Variants in SCN10A observed in about 807,000 individuals in gnomAD.
SCN10A encodes sodium voltage-gated channel alpha subunit 10, also known as sodium channel protein type 10 subunit alpha.
A neutral mutation model predicts 170.7 loss-of-function variants in SCN10A; 162 were observed. That is an observed-to-expected ratio of 0.95 (90% CI 0.84 to 1.08). The LOEUF (loss-of-function observed/expected upper bound fraction) is 1.08. Among genes scored for constraint, SCN10A ranks in the 50% least tolerant of loss-of-function variants. SCN10A has a pLI of 0.00. For missense variants in SCN10A, 2,527 were observed against 2,436.9 expected (o/e 1.04, Z -0.78); for synonymous variants, 985 against 904.6 (o/e 1.09, Z -1.59).
chr3:38,792,040 C>T lies in SCN10A; in HGVS notation c.389+10G>A. The T allele has an allele frequency of 1.9e-6, 3 of 1,612,882 alleles. No homozygotes were observed. The highest frequency in any genetic ancestry group is 2.5e-6 in the Non-Finnish European group (3 of 1,179,372). ...GTAACACGTGGAAGAGGCAATCGTG[C>T]AAAGGATATGAGTGGACAGACACTT... On this transcript the variant is annotated intron_variant, in intron 3 of 27. Coordinates refer to ENST00000449082, the MANE Select transcript of SCN10A (RefSeq NM_006514.4).
At chr3:38,738,374 C>T (rs1325396021) in intron 15 of SCN10A, among the ~76,000 whole-genome samples, 1 of 152,182 alleles carries the variant, frequency 6.6e-6, no homozygotes, top group Non-Finnish European at 1.5e-5. Flanking sequence ...ATGGCTGGCT[C>T]TATGTCACTG....
intron 4 of SCN10A, among the ~76,000 whole-genome samples, chr3:38,776,116 T>A (rs1490710531): frequency 6.6e-6 from 1 of 152,074 alleles, no homozygotes; most frequent in East Asian, 1.9e-4. Context: ...GATAATAAAT[T>A]GGGTACTAGG....
intron 26 of SCN10A, among the ~76,000 whole-genome samples, chr3:38,703,823 T>C (rs1009076711): frequency 3.9e-5 from 6 of 152,202 alleles, no homozygotes; most frequent in Admixed American, 3.9e-4. Context: ...TGGCCAACTG[T>C]TTGCCTCTGT....
chr3:38,808,104 G>T (rs1170860494), intron 1 of SCN10A, among the ~76,000 whole-genome samples: 3 of 152,058 alleles, frequency 2.0e-5, no homozygotes, highest in African/African-American at 7.2e-5. Context: ...TGGCACATAA[G>T]GCCTGGCATG....
chr3:38,721,633 A>G (rs575539306), intron 20 of SCN10A, among the ~76,000 whole-genome samples: 1 of 152,322 alleles, frequency 6.6e-6, no homozygotes, highest in South Asian at 2.1e-4. Context: ...TGGGTCACTG[A>G]GGGCAGTGCA....
intron 15 of SCN10A, among the ~76,000 whole-genome samples, chr3:38,731,253 C>T (rs975673829): frequency 1.3e-5 from 2 of 152,150 alleles, no homozygotes; most frequent in Non-Finnish European, 2.9e-5. Context: ...AAATGTCTCT[C>T]AAAGACACGG....
intron 1 of SCN10A, among the ~76,000 whole-genome samples, chr3:38,803,380 G>A (rs537678909): frequency 1.2e-3 from 184 of 152,196 alleles, no homozygotes; most frequent in Non-Finnish European, 2.0e-3. Flanking sequence ...ATTCACAATA[G>A]CAAAGACTTG....
At position 38,698,145 on chromosome 3, in the gene SCN10A, C is replaced by G; in HGVS notation, c.5075G>C (p.Cys1692Ser). 1.2e-6 allele frequency: 2 copies of G among 1,614,170 alleles called. No individual in the cohort carries two copies. Among genetic ancestry groups the G allele is most frequent in the South Asian group, 1.1e-5 (1 of 91,072 alleles). ...GATGATGCCTACGGCTGGGCTCCCA[C>G]AGTCCCCTCTGGTGCCATTGCTGTT... The part of the protein sequence containing the change: ...LPNSNGTRGD[C>S]GSPAVGIIFF... The change falls in exon 28 of 28, where the codon TGT becomes TCT. Residue 1692 changes from cysteine to serine, a missense_variant. Physicochemically the swap from Cys to Ser is moderately radical, Grantham distance 112. Transcript: ENST00000449082.
At chr3:38,738,093 A>C (rs1314351967) in intron 15 of SCN10A, among the ~76,000 whole-genome samples, 1 of 151,638 alleles carries the variant, frequency 6.6e-6, no homozygotes, top group East Asian at 2.0e-4. Flanking sequence ...GATGTGCACC[A>C]CCATGCCTGG....
chr3:38,728,452 A>G (rs1486350902), intron 16 of SCN10A, 90 bp downstream of exon 16: 14 of 1,381,984 alleles, frequency 1.0e-5, no homozygotes, highest in Middle Eastern at 2.6e-4. Flanking sequence ...CAATCTGGGC[A>G]TAAAAATGCA....
At chr3:38,793,350 C>G (rs1352413964) in intron 2 of SCN10A, among the ~76,000 whole-genome samples, 1 of 152,128 alleles carries the variant, frequency 6.6e-6, no homozygotes, top group Admixed American at 6.6e-5. Flanking sequence ...TTGAGGACCA[C>G]TGGCTTAAAT....
intron 4 of SCN10A, among the ~76,000 whole-genome samples, chr3:38,783,090 C>G (rs954450779): frequency 6.6e-6 from 1 of 152,098 alleles, no homozygotes; most frequent in African/African-American, 2.4e-5. Context: ...TATAAGGACA[C>G]CAGTTCTACC....
chr3:38,712,574 G>A (rs1462435854), intron 22 of SCN10A, 129 bp from the exon 23 acceptor site: 2 of 840,674 alleles, frequency 2.4e-6, no homozygotes, highest in African/African-American at 1.7e-5. Flanking sequence ...AGAGAAGTGG[G>A]TTAATTAGTG....
chr3:38,772,715 C>CAAAAAAAAAAAA (rs1255553551), intron 4 of SCN10A, among the ~76,000 whole-genome samples: 1 of 76,408 alleles, frequency 1.3e-5, no homozygotes, highest in African/African-American at 5.6e-5. Context: ...ACAGCAACAA[C>CAAAAAAAAAAAA]AACAACAACA....
chr3:38,709,596 C>T lies in SCN10A; in HGVS notation c.4163G>A (p.Trp1388Ter). 6.2e-7 allele frequency: 1 copy of T among 1,606,158 alleles called. No homozygotes were observed. The highest frequency in any genetic ancestry group is 8.5e-7 in the Non-Finnish European group (1 of 1,176,362). Residue 1388 changes from tryptophan (W) to a stop codon, truncating the protein, a stop_gained, in exon 25 of 28, where the codon TGG becomes TAG. Coordinates refer to ENST00000449082, the MANE Select transcript of SCN10A (RefSeq NM_006514.4). LOFTEE classifies it high-confidence loss of function. ...DSREVNMQPKWEDNVYMYLYF... is the reference protein window; with the variant it reads ...DSREVNMQPK ...CAAATACATGTACACGTTGTCCTCC[C>T]ACTTGGGTTGCATGTTGACCTGTGA...
chr3:38,747,403 A>G (rs1232735066), intron 13 of SCN10A, among the ~76,000 whole-genome samples: 1 of 152,138 alleles, frequency 6.6e-6, no homozygotes, highest in Non-Finnish European at 1.5e-5. Flanking sequence ...AGATTTTACA[A>G]CCTAGTAAAT....
Position 38,746,063 on chromosome 3 carries a change from GTATATATATA to G in SCN10A, c.1868-3544_1868-3535del, listed in dbSNP as rs1553619550. Among the ~76,000 whole-genome samples the G allele has an allele frequency of 3.1e-3, 190 of 61,670 alleles. 5 individuals are homozygous for G. The highest frequency in any genetic ancestry group is 6.9e-3 in the South Asian group (10 of 1,448). The allele number at this position is 61,670 out of a possible 152,430, so 40.5% of individuals were successfully genotyped here. A position where few individuals can be genotyped will look rare whatever the true frequency, so the allele number is the denominator to read the frequency against. ...TACATATATATATGTGTGTGTATGT[GTATATATATA>G]TATATATATATATATATATATATAT... On this transcript the variant is annotated intron_variant, in intron 13 of 27. Coordinates refer to ENST00000449082, the MANE Select transcript of SCN10A (RefSeq NM_006514.4).
At chr3:38,786,861 G>A (rs2064211051) in intron 4 of SCN10A, among the ~76,000 whole-genome samples, 1 of 152,082 alleles carries the variant, frequency 6.6e-6, no homozygotes, top group Non-Finnish European at 1.5e-5. Flanking sequence ...GACTGTCTAT[G>A]CTGTTACATT....
chr3:38,707,188 A>C (rs1323514573), intron 26 of SCN10A, 91 bp downstream of exon 26: 1 of 1,338,916 alleles, frequency 7.5e-7, no homozygotes, highest in Non-Finnish European at 1.0e-6. Context: ...TTCCATAAAC[A>C]GCACTCCCTC....
Sources: allele counts gnomAD v4.1 joint callset (sites outside exome capture counted in the v4.1 genomes callset), GRCh38; gene constraint gnomAD v4.1.1; transcripts MANE v1.5; gene names NCBI Gene and HGNC (gene_info 2026-07-23, HGNC 2026-07-21).